SOHLH2: variants seen among roughly 807,000 people sequenced by gnomAD.
The protein encoded by SOHLH2 is spermatogenesis and oogenesis specific basic helix-loop-helix 2.
In SOHLH2, 22 loss-of-function variants were observed where a neutral mutation model predicts 50.4. That is an observed-to-expected ratio of 0.44 (90% CI 0.31 to 0.62). The LOEUF is 0.62. SOHLH2 is among the 20% of genes least tolerant of loss of function. SOHLH2 has a pLI of 0.08. For missense variants in SOHLH2, 412 were observed against 504.4 expected (o/e 0.82, Z 1.76); for synonymous variants, 185 against 187.3 (o/e 0.99, Z 0.10).
chr13:36,183,526 T>C (rs1680473409), intron 6 of SOHLH2, among the ~76,000 whole-genome samples: 2 of 151,888 alleles, frequency 1.3e-5, no homozygotes, highest in African/African-American at 4.8e-5. Flanking sequence ...GGAAGGCAGG[T>C]AATGAGAATA....
intron 2 of SOHLH2, among the ~76,000 whole-genome samples, chr13:36,201,048 CAAA>C (rs10660002): frequency 3.6e-5 from 2 of 55,958 alleles, no homozygotes; most frequent in African/African-American, 7.5e-5. Flanking sequence ...GACTCTGCCT[CAAA>C]AAAAAAAAAA....
chr13:36,169,000 G>C lies in SOHLH2; in HGVS notation c.*34C>G. 2 of 1,598,896 alleles carry C rather than the reference G, an allele frequency of 1.3e-6. No homozygotes were observed. The highest frequency in any genetic ancestry group is 1.7e-6 in the Non-Finnish European group (2 of 1,174,994). On this transcript the variant is annotated 3_prime_UTR_variant, in exon 11 of 11. Coordinates refer to ENST00000379881, the MANE Select transcript of SOHLH2 (RefSeq NM_017826.3). ...CTAGATTGTCAAACTGCGCCCAGTAGGTGGTTGAGAGTGTGAATTTCAAAC... is the reference window on the plus strand; with the variant it reads ...CTAGATTGTCAAACTGCGCCCAGTACGTGGTTGAGAGTGTGAATTTCAAAC...
At chr13:36,196,297 T>C (rs1033742449) in intron 2 of SOHLH2, among the ~76,000 whole-genome samples, 20 of 152,004 alleles carry the variant, frequency 1.3e-4, no homozygotes, top group African/African-American at 4.8e-4. Context: ...GCTATTTTTT[T>C]GTATTTTTAG....
intron 6 of SOHLH2, among the ~76,000 whole-genome samples, chr13:36,184,706 C>T (rs1887364510): frequency 6.6e-6 from 1 of 152,068 alleles, no homozygotes; most frequent in Non-Finnish European, 1.5e-5. Flanking sequence ...GATCCACCCG[C>T]CTTGGCCTCC....
At chr13:36,181,863 C>T in intron 6 of SOHLH2, 1 of 288,218 alleles carries the variant, frequency 3.5e-6, no homozygotes, top group Non-Finnish European at 5.2e-6. Context: ...TGCAGGTCCA[C>T]TGGTGTCAAA....
At chr13:36,182,397 C>G in intron 6 of SOHLH2, 3 of 546,766 alleles carry the variant, frequency 5.5e-6, no homozygotes, top group Non-Finnish European at 7.0e-6. Flanking sequence ...CTGGCCTGTG[C>G]CTGCTTTAAT....
At chr13:36,173,959 A>G (rs1746540211) in intron 8 of SOHLH2, 149 bp from the exon 9 acceptor site, 2 of 874,898 alleles carry the variant, frequency 2.3e-6, no homozygotes, top group Admixed American at 2.4e-5. Flanking sequence ...AAGACACATG[A>G]CCCACGATAA....
intron 2 of SOHLH2, among the ~76,000 whole-genome samples, chr13:36,195,189 C>T (rs566771777): frequency 3.9e-5 from 6 of 152,170 alleles, no homozygotes; most frequent in South Asian, 2.1e-4. Context: ...GAGGAGTCCA[C>T]GTCTGGGCAC....
At chr13:36,175,238 C>T (rs1165301817) in intron 6 of SOHLH2, among the ~76,000 whole-genome samples, 7 of 152,204 alleles carry the variant, frequency 4.6e-5, no homozygotes, top group South Asian at 2.1e-4. Context: ...CTCTGCCCTC[C>T]GAGCAGAGAA....
At chr13:36,191,054 C>G (rs1024479836) in intron 5 of SOHLH2, among the ~76,000 whole-genome samples, 1 of 152,146 alleles carries the variant, frequency 6.6e-6, no homozygotes, top group Non-Finnish European at 1.5e-5. Flanking sequence ...TATCCCTAGG[C>G]TCTACTTAAA....
rs760880934 is a variant in SOHLH2 at position 36,173,723 on chromosome 13, A to G, written c.969T>C (p.Asp323=). 2 of 1,613,444 alleles carry G rather than the reference A, an allele frequency of 1.2e-6. No homozygotes were observed. Among genetic ancestry groups the G allele is most frequent in the Admixed American group, 1.7e-5 (1 of 60,006 alleles). Residue 323 remains aspartate, a synonymous_variant, in exon 9 of 11, where the codon GAT becomes GAC. Coordinates refer to ENST00000379881, the MANE Select transcript of SOHLH2 (RefSeq NM_017826.3). ...NTCWNGCSTP[D]AESSLDEAVR... is the part of the protein sequence containing the mutation. The stretch of plus-strand genomic sequence containing the variant: ...CAGCTTCATCCAAGGAGCTCTCTGC[A>G]TCAGGAGTGGAGCACCCATTCCAGC...
chr13:36,173,939 CAT>C (rs1046009944), intron 8 of SOHLH2, 129 bp from the exon 9 acceptor site: 8 of 1,067,420 alleles, frequency 7.5e-6, no homozygotes, highest in Non-Finnish European at 1.1e-5. Flanking sequence ...GGATTATTTA[CAT>C]ATGAGCAAAG....
At chr13:36,213,576 T>G (rs2138339636) in intron 1 of SOHLH2, among the ~76,000 whole-genome samples, 1 of 152,314 alleles carries the variant, frequency 6.6e-6, no homozygotes, top group East Asian at 1.9e-4. Flanking sequence ...CGCCTACGCT[T>G]TCCTCCTAGT....
chr13:36,200,961 A>G (rs1269580594), intron 2 of SOHLH2, among the ~76,000 whole-genome samples: 2 of 149,488 alleles, frequency 1.3e-5, no homozygotes, highest in Non-Finnish European at 3.0e-5. Context: ...AGGCAGGAGA[A>G]TCACTTGAAC....
At chr13:36,203,488 G>A (rs1201604592) in intron 1 of SOHLH2, among the ~76,000 whole-genome samples, 1 of 152,128 alleles carries the variant, frequency 6.6e-6, no homozygotes, top group Non-Finnish European at 1.5e-5. Flanking sequence ...GGGTTTTGAT[G>A]TTATTACGGT....
intron 2 of SOHLH2, among the ~76,000 whole-genome samples, chr13:36,200,114 T>C (rs1887852982): frequency 6.6e-6 from 1 of 152,194 alleles, no homozygotes; most frequent in Non-Finnish European, 1.5e-5. Context: ...CAGCCTCAGT[T>C]TTCTCATCTG....
At chr13:36,205,675 ATT>A (rs997688474) in intron 1 of SOHLH2, among the ~76,000 whole-genome samples, 2 of 152,010 alleles carry the variant, frequency 1.3e-5, no homozygotes, top group African/African-American at 4.8e-5. Flanking sequence ...TCTTGATATA[ATT>A]TTGTTTTATT....
chr13:36,180,183 T>C (rs911188327), intron 6 of SOHLH2, among the ~76,000 whole-genome samples: 2 of 152,248 alleles, frequency 1.3e-5, no homozygotes, highest in African/African-American at 4.8e-5. Context: ...CATAAAATTG[T>C]TCAAAGTATA....
In SOHLH2 at chr13:36,184,460, C is replaced by CTTTTTTTTTTTTT. The variant is rs1229884029; in HGVS notation, c.641+5473_641+5485dup. ...GATGGAAGTTTCTACCTACAAAGAC[C>CTTTTTTTTTTTTT]TTTTTTTTTTTTTTTTTTTGAGACG... On this transcript the variant is annotated intron_variant, in intron 6 of 10. Transcript: ENST00000379881. Among the ~76,000 whole-genome samples the CTTTTTTTTTTTTT allele has an allele frequency of 4.0e-4, 49 of 121,146 alleles. 5 individuals carry two copies. Among genetic ancestry groups the CTTTTTTTTTTTTT allele is most frequent in the Middle Eastern group, 5.0e-3 (1 of 200 alleles). The allele number at this position is 121,146 out of a possible 152,430, so 79.5% of individuals were successfully genotyped here.
Sources: gnomAD v4.1 joint callset for allele counts (sites outside exome capture counted in the v4.1 genomes callset) on GRCh38, gnomAD v4.1.1 for gene constraint, MANE v1.5 for transcripts, NCBI Gene and HGNC (gene_info 2026-07-23, HGNC 2026-07-21) for gene names.